PCDH15: variants seen among roughly 807,000 people sequenced by gnomAD.
PCDH15 encodes protocadherin related 15, also known as protocadherin-15.
A neutral mutation model predicts 178.5 loss-of-function variants in PCDH15; 129 were observed. That is an observed-to-expected ratio of 0.72 (90% CI 0.63 to 0.84). PCDH15 has a LOEUF of 0.84. Among genes scored for constraint, PCDH15 ranks in the 40% least tolerant of loss-of-function variants. The pLI, the probability that PCDH15 is intolerant of heterozygous loss-of-function variation, is 0.00. For missense variants in PCDH15, 2,230 were observed against 2,099.9 expected, an observed-to-expected ratio of 1.06 and a Z score of -1.21; for synonymous variants, 800 against 732.0, an observed-to-expected ratio of 1.09 and a Z score of -1.50.
At chr10:54,950,900 T>C (rs1838322143) in intron 2 of PCDH15, among the ~76,000 whole-genome samples, 1 of 151,924 alleles carries the variant, frequency 6.6e-6, no homozygotes, top group Admixed American at 6.6e-5. Context: ...AAAATTTAAT[T>C]AATATAGCTT....
intron 25 of PCDH15, among the ~76,000 whole-genome samples, chr10:53,931,309 C>A (rs1276893080): frequency 6.6e-6 from 1 of 152,166 alleles, no homozygotes; most frequent in African/African-American, 2.4e-5. Flanking sequence ...GCTTAGTTAG[C>A]AGTCAGCCAT....
chr10:55,210,206 C>T (rs895504319), intron 1 of PCDH15, among the ~76,000 whole-genome samples: 5 of 151,942 alleles, frequency 3.3e-5, no homozygotes, highest in African/African-American at 1.2e-4. Context: ...TATAGTGTTA[C>T]AGCAGATGAT....
intron 2 of PCDH15, among the ~76,000 whole-genome samples, chr10:55,059,859 G>T (rs1455517743): frequency 1.3e-5 from 2 of 151,938 alleles, no homozygotes; most frequent in Admixed American, 1.3e-4. Flanking sequence ...TCATAATATT[G>T]CATGCGATTT....
chr10:55,474,801 C>CT (rs1213236003), intron 2 of PCDH15, among the ~76,000 whole-genome samples: 1 of 151,980 alleles, frequency 6.6e-6, no homozygotes, highest in Non-Finnish European at 1.5e-5. Flanking sequence ...ATATGTTTTT[C>CT]TTTTTTTGTA....
intron 15 of PCDH15, among the ~76,000 whole-genome samples, chr10:54,110,703 G>C (rs1367529946): frequency 1.3e-5 from 2 of 152,060 alleles, no homozygotes; most frequent in Non-Finnish European, 2.9e-5. Flanking sequence ...TTTTAACCTG[G>C]AGCTTTCTTT....
intron 10 of PCDH15, among the ~76,000 whole-genome samples, chr10:54,196,827 G>T (rs370456689): frequency 2.0e-5 from 3 of 152,256 alleles, no homozygotes; most frequent in East Asian, 3.9e-4. Context: ...CTCCCACCAC[G>T]TGAGAACAAG....
At chr10:54,495,387 G>T (rs2080016994) in intron 3 of PCDH15, among the ~76,000 whole-genome samples, 1 of 152,038 alleles carries the variant, frequency 6.6e-6, no homozygotes, top group South Asian at 2.1e-4. Flanking sequence ...ATCTATAAAA[G>T]AAAATATATC....
At chr10:55,074,954 A>G (rs1032714694) in intron 2 of PCDH15, among the ~76,000 whole-genome samples, 1 of 152,096 alleles carries the variant, frequency 6.6e-6, no homozygotes, top group African/African-American at 2.4e-5. Flanking sequence ...TTCTCCCAGC[A>G]CCATTTATTA....
At chr10:55,616,933 A>T (rs1843491228) in intron 2 of PCDH15, among the ~76,000 whole-genome samples, 1 of 152,074 alleles carries the variant, frequency 6.6e-6, no homozygotes, top group African/African-American at 2.4e-5. Context: ...ATTATGTTAC[A>T]TGTATTATAA....
chr10:55,019,089 ATC>A (rs1236766387), intron 2 of PCDH15, among the ~76,000 whole-genome samples: 1 of 152,124 alleles, frequency 6.6e-6, no homozygotes. Context: ...AATGCTCTAA[ATC>A]TTTTTTTATT....
At chr10:54,469,782 ATAG>A (rs952742350) in intron 3 of PCDH15, among the ~76,000 whole-genome samples, 3 of 151,968 alleles carry the variant, frequency 2.0e-5, no homozygotes, top group African/African-American at 2.4e-5. Context: ...TTTGGTGGTA[ATAG>A]TAGTGGAGGG....
intron 2 of PCDH15, among the ~76,000 whole-genome samples, chr10:54,990,297 C>T (rs10825422): frequency 0.34 from 51,467 of 151,954 alleles, 10,060 homozygotes; most frequent in African/African-American, 0.53. Flanking sequence ...GTAGAAAATA[C>T]CATTTTTTTT....
chr10:54,855,519 A>G (rs2131773790), intron 3 of PCDH15, among the ~76,000 whole-genome samples: 1 of 152,304 alleles, frequency 6.6e-6, no homozygotes, highest in Admixed American at 6.5e-5. Flanking sequence ...ATTTTCTCCA[A>G]TGTTCTGAAG....
intron 3 of PCDH15, among the ~76,000 whole-genome samples, chr10:54,392,677 T>A (rs372824156): frequency 2.6e-5 from 4 of 151,612 alleles, no homozygotes; most frequent in East Asian, 3.9e-4. Flanking sequence ...GGTGGGAGGA[T>A]CACTTAAGGT....
At chr10:54,998,341 A>G (rs1839700360) in intron 2 of PCDH15, among the ~76,000 whole-genome samples, 1 of 152,084 alleles carries the variant, frequency 6.6e-6, no homozygotes, top group African/African-American at 2.4e-5. Flanking sequence ...ATACATATGT[A>G]ACTAACCTGC....
chr10:54,079,640 T>C (rs865909632), intron 16 of PCDH15, among the ~76,000 whole-genome samples: 1 of 152,194 alleles, frequency 6.6e-6, no homozygotes, highest in Middle Eastern at 3.2e-3. Flanking sequence ...AAACTGACAC[T>C]GAGCTGATTT....
chr10:54,770,882 T>C (rs904731252), intron 1 of PCDH15, among the ~76,000 whole-genome samples: 2 of 152,062 alleles, frequency 1.3e-5, no homozygotes, highest in Non-Finnish European at 2.9e-5. Flanking sequence ...AAATTTACTT[T>C]GCATATGTGT....
intron 2 of PCDH15, among the ~76,000 whole-genome samples, chr10:55,052,691 G>A (rs1321819071): frequency 1.3e-5 from 2 of 151,800 alleles, no homozygotes; most frequent in Non-Finnish European, 2.9e-5. Flanking sequence ...ACTTCAGCCT[G>A]GGCCACAGAG....
Position 53,818,032 on chromosome 10 carries a change from T to TAAATCAGTATTAA in PCDH15, c.4434-32_4434-20dup. 2.5e-6 allele frequency: 1 copy of TAAATCAGTATTAA among 398,504 alleles called. No individual in the cohort carries two copies. The highest frequency in any genetic ancestry group is 4.4e-5 in the Admixed American group (1 of 22,712). 24.7% of individuals were successfully genotyped at this position (398,504 alleles called of 1,614,324 possible). A position where few individuals can be genotyped will look rare whatever the true frequency, so the allele number is the denominator to read the frequency against. On this transcript the variant is annotated intron_variant, in intron 33 of 37. Transcript: ENST00000644397. ...ACCTCTCCTGCAAGGCAGAAATAAATAAATCAGTATTAAACATCTTAGATT... is the reference window on the plus strand; with the variant it reads ...ACCTCTCCTGCAAGGCAGAAATAAATAAATCAGTATTAAAAATCAGTATTAAACATCTTAGATT...
Sources: gnomAD v4.1 joint callset for allele counts (sites outside exome capture counted in the v4.1 genomes callset) on GRCh38, gnomAD v4.1.1 for gene constraint, MANE v1.5 for transcripts, NCBI Gene and HGNC (gene_info 2026-07-23, HGNC 2026-07-21) for gene names.